SLC16A4: variants seen among roughly 807,000 people sequenced by gnomAD.
The protein encoded by SLC16A4 is solute carrier family 16 member 4.
A neutral mutation model predicts 47.9 loss-of-function variants in SLC16A4; 39 were observed. The observed-to-expected ratio is 0.81, with a 90% confidence interval of 0.63 to 1.06. The LOEUF is 1.06. Among genes scored for constraint, SLC16A4 ranks in the 50% least tolerant of loss-of-function variants. The pLI, the probability that SLC16A4 is intolerant of heterozygous loss-of-function variation, is 0.00. For missense variants in SLC16A4, 524 were observed against 573.8 expected (o/e 0.91, Z 0.89); for synonymous variants, 189 against 199.9 (o/e 0.95, Z 0.46).
intron 2 of SLC16A4, among the ~76,000 whole-genome samples, chr1:110,383,228 T>C (rs1320635612): frequency 6.6e-6 from 1 of 152,194 alleles, no homozygotes. Flanking sequence ...CCAAATAATT[T>C]ATACCAAATA....
intron 4 of SLC16A4, 98 bp downstream of exon 4, chr1:110,381,554 C>G: frequency 1.6e-6 from 2 of 1,239,896 alleles, no homozygotes; most frequent in Non-Finnish European, 2.3e-6. Flanking sequence ...GAACTGGACT[C>G]AAGCGATCCA....
chr1:110,379,416 G>A, intron 5 of SLC16A4, 60 bp from the exon 6 acceptor site: 1 of 1,488,756 alleles, frequency 6.7e-7, no homozygotes, highest in Admixed American at 2.1e-5. Flanking sequence ...ACTGCTTTGT[G>A]TTCATAGGCT....
At chr1:110,372,879 C>G (rs935535899) in intron 8 of SLC16A4, 5 of 152,134 alleles carry the variant, frequency 3.3e-5, no homozygotes, top group Non-Finnish European at 7.4e-5. Context: ...TTTGGGCTAA[C>G]AAAAGCTTGT....
chr1:110,378,907 C>A lies in SLC16A4; in HGVS notation c.976G>T (p.Ala326Ser). 6.2e-7 allele frequency: 1 copy of A among 1,614,096 alleles called. No individual in the cohort carries two copies. The highest frequency in any genetic ancestry group is 8.5e-7 in the Non-Finnish European group (1 of 1,179,996). The change falls in exon 6 of 9, where the codon GCC (alanine) becomes TCC (serine). Residue 326 changes from alanine (A) to serine (S), a missense_variant. By Grantham distance (99) the Ala-to-Ser change is moderately conservative (BLOSUM62 1). Coordinates refer to ENST00000369779, the MANE Select transcript of SLC16A4 (RefSeq NM_004696.3). ...FIPTFHLVARAKTLGIDIMDA... is the reference protein window; with the variant it reads ...FIPTFHLVARSKTLGIDIMDA... ...ATGATGTCAATCCCCAGTGTTTTGGCTCTGGCTACCAGGTGAAAGGTAGGG... is the reference window on the plus strand; with the variant it reads ...ATGATGTCAATCCCCAGTGTTTTGGATCTGGCTACCAGGTGAAAGGTAGGG...
intron 2 of SLC16A4, among the ~76,000 whole-genome samples, chr1:110,385,302 G>A (rs921520625): frequency 2.0e-5 from 3 of 152,190 alleles, no homozygotes; most frequent in African/African-American, 7.2e-5. Context: ...TTTATGATGG[G>A]GGAGGCGGCA....
chr1:110,368,680 C>G (rs1333258475), intron 8 of SLC16A4, among the ~76,000 whole-genome samples: 1 of 152,096 alleles, frequency 6.6e-6, no homozygotes, highest in Non-Finnish European at 1.5e-5. Flanking sequence ...TAATTTAAAA[C>G]AAATAGGAAG....
chr1:110,389,240 GA>G lies in SLC16A4; in HGVS notation c.83del (p.Phe28SerfsTer3), dbSNP rs753357319. On this transcript the variant is annotated frameshift_variant, in exon 2 of 9. Coordinates refer to ENST00000369779, the MANE Select transcript of SLC16A4 (RefSeq NM_004696.3). LOFTEE classifies it high-confidence loss of function. ...GWGWMIVIHF[F>X]LVNVFVMGMT... ...GGGGAAAAAAGTGAATTCTTACCAG[GA>G]AAAAATGAATCACAATCATCCATCC... The G allele has an allele frequency of 2.1e-5, 34 of 1,613,146 alleles. No homozygotes were observed. The highest frequency in any genetic ancestry group is 2.9e-5 in the Non-Finnish European group (34 of 1,179,230).
chr1:110,389,471 C>T, intron 1 of SLC16A4, 116 bp from the exon 2 acceptor site: 1 of 702,660 alleles, frequency 1.4e-6, no homozygotes, highest in South Asian at 1.8e-5. Flanking sequence ...ATTAGTTCAG[C>T]CACTGTGCAA....
intron 8 of SLC16A4, 69 bp from the exon 9 acceptor site, chr1:110,363,962 C>G (rs1484509648): frequency 1.3e-6 from 2 of 1,521,530 alleles, no homozygotes; most frequent in African/African-American, 1.4e-5. Flanking sequence ...CCATGAATAG[C>G]TCCTCAAAGC....
chr1:110,378,808 G>A (rs1355846461), intron 6 of SLC16A4, 45 bp downstream of exon 6: 5 of 1,533,854 alleles, frequency 3.3e-6, no homozygotes, highest in Non-Finnish European at 4.4e-6. Context: ...GTAAAATTAA[G>A]TTGATCTTTC....
At position 110,379,375 on chromosome 1, in the gene SLC16A4, A is replaced by G; in HGVS notation, c.527-19T>C. On this transcript the variant is annotated intron_variant, in intron 5 of 8. Transcript: ENST00000369779. The stretch of plus-strand genomic sequence containing the variant: ...AGGGCTCCTAAATAGGGAGAGATTG[A>G]GCAATTAAAAATAGCCTTTCAGTTC... 1 of 1,572,008 alleles carries G rather than the reference A, an allele frequency of 6.4e-7. No homozygotes were observed. Among genetic ancestry groups the G allele is most frequent in the Non-Finnish European group, 8.6e-7 (1 of 1,156,294 alleles).
intron 3 of SLC16A4, 62 bp downstream of exon 3, chr1:110,382,772 A>G (rs1024533719): frequency 7.0e-7 from 1 of 1,431,744 alleles, no homozygotes; most frequent in Non-Finnish European, 9.3e-7. Context: ...TTGAATAGGA[A>G]TCTTGGAATT....
At chr1:110,376,849 T>A (rs1023099459) in intron 7 of SLC16A4, 101 bp downstream of exon 7, 1 of 1,008,916 alleles carries the variant, frequency 9.9e-7, no homozygotes, top group Non-Finnish European at 1.4e-6. Flanking sequence ...AATGATTTTT[T>A]AAGTTACAAA....
intron 8 of SLC16A4, chr1:110,372,116 GTTTTC>G (rs962117718): frequency 5.2e-4 from 79 of 151,850 alleles, no homozygotes; most frequent in Admixed American, 1.2e-3. Context: ...AACTAATATT[GTTTTC>G]TTTTTTATTT....
At chr1:110,366,762 T>G (rs1224953269) in intron 8 of SLC16A4, among the ~76,000 whole-genome samples, 4 of 152,216 alleles carry the variant, frequency 2.6e-5, no homozygotes, top group African/African-American at 9.6e-5. Flanking sequence ...AAATAACTCA[T>G]GACTATATTT....
intron 7 of SLC16A4, 36 bp downstream of exon 7, chr1:110,376,914 A>C: frequency 2.0e-6 from 3 of 1,531,196 alleles, no homozygotes; most frequent in Non-Finnish European, 2.7e-6. Context: ...GCTTTTACTA[A>C]ATGGTTTAAC....
At position 110,364,040 on chromosome 1, in the gene SLC16A4, A is replaced by G. The variant is rs113790539; in HGVS notation, c.1337-147T>C. Reference sequence around the variant, plus strand: ...TTCTTAGCTGCCCTATTTTTCACTGATGAAGTTGAATCAGCTCCACCTGAG... The same window carrying G: ...TTCTTAGCTGCCCTATTTTTCACTGGTGAAGTTGAATCAGCTCCACCTGAG... On this transcript the variant is annotated intron_variant, in intron 8 of 8. Coordinates refer to ENST00000369779, the MANE Select transcript of SLC16A4 (RefSeq NM_004696.3). 1,122 of 671,020 alleles carry G rather than the reference A, an allele frequency of 1.7e-3. 14 individuals are homozygous for G. The African/African-American group carries it at 0.018, about 11-fold the overall frequency. The allele number at this position is 671,020 out of a possible 1,614,324, so 41.6% of individuals were successfully genotyped here.
chr1:110,369,194 C>A (rs1054736234), intron 8 of SLC16A4, among the ~76,000 whole-genome samples: 2 of 152,100 alleles, frequency 1.3e-5, no homozygotes, highest in African/African-American at 4.8e-5. Flanking sequence ...ACCTCGTGAT[C>A]TACCTGCCTC....
chr1:110,387,879 T>C (rs534952670), intron 2 of SLC16A4, among the ~76,000 whole-genome samples: 1 of 152,360 alleles, frequency 6.6e-6, no homozygotes, highest in African/African-American at 2.4e-5. Flanking sequence ...GTACTACTAT[T>C]ATGTGTTAAG....
Sources: gnomAD v4.1 joint callset for allele counts (sites outside exome capture counted in the v4.1 genomes callset) on GRCh38, gnomAD v4.1.1 for gene constraint, MANE v1.5 for transcripts, NCBI Gene and HGNC (gene_info 2026-07-23, HGNC 2026-07-21) for gene names.